FGF8: variants seen among roughly 807,000 people sequenced by gnomAD.
The protein encoded by FGF8 is fibroblast growth factor 8.
Under a neutral mutation model 29.7 loss-of-function variants are expected in FGF8, and 12 were observed. The observed-to-expected ratio is 0.40, with a 90% CI of 0.26 to 0.65. The LOEUF is 0.65. FGF8 is among the 30% of genes least tolerant of loss of function. FGF8 has a pLI of 0.37. For missense variants in FGF8, 271 were observed against 345.1 expected, an observed-to-expected ratio of 0.79 and a Z score of 1.70; for synonymous variants, 157 against 144.4, an observed-to-expected ratio of 1.09 and a Z score of -0.63.
chr10:101,775,809 G>A lies in FGF8; in HGVS notation c.33-33C>T. Reference sequence around the variant, plus strand: ...AGACAAAAGCGGGCGGGAGAGAGAGGCGCGGGTGAGGCGAGGGGCGCGGGG... The same window carrying A: ...AGACAAAAGCGGGCGGGAGAGAGAGACGCGGGTGAGGCGAGGGGCGCGGGG... On this transcript the variant is annotated intron_variant, in intron 1 of 5. Transcript: ENST00000320185. The surrounding 1 kb of genome is among the most constrained non-coding windows in gnomAD (Gnocchi z 4.6). 1 of 1,537,658 alleles carries A rather than the reference G, an allele frequency of 6.5e-7. No individual in the cohort carries two copies. Among genetic ancestry groups the A allele is most frequent in the African/African-American group, 1.4e-5 (1 of 71,608 alleles).
In FGF8 at chr10:101,770,159, A is replaced by C. The variant is rs1191846093; in HGVS notation, c.*170T>G. 1 of 580,476 alleles carries C rather than the reference A, an allele frequency of 1.7e-6. No individual in the cohort carries two copies. Among genetic ancestry groups the C allele is most frequent in the Non-Finnish European group, 2.9e-6 (1 of 346,890 alleles). 36.0% of individuals were successfully genotyped at this position (580,476 alleles called of 1,614,324 possible). On this transcript the variant is annotated 3_prime_UTR_variant, in exon 6 of 6. Coordinates refer to ENST00000320185, the MANE Select transcript of FGF8 (RefSeq NM_033163.5). ...TTTGTTTTAAAAAAAAAAAAAAAAA[A>C]AAAAACAGCAAAAACCCAACAGCAA...
intron 4 of FGF8, among the ~76,000 whole-genome samples, chr10:101,773,520 C>T (rs1244532606): frequency 3.3e-5 from 5 of 151,196 alleles, no homozygotes; most frequent in East Asian, 2.0e-4. Context: ...GAGCTGGGGC[C>T]GCAGTTTACG....
In FGF8 at chr10:101,772,291, A is replaced by G. The variant is rs1429220262; in HGVS notation, c.338-722T>C. On this transcript the variant is annotated intron_variant, in intron 4 of 5. Transcript: ENST00000320185. The surrounding 1 kb of genome is among the most constrained non-coding windows in gnomAD (Gnocchi z 4.4). ...CAGGGTCCCCAGCCCAGTGTCTAGA[A>G]ATCAACAACTCAATTGTCTTTTCTC... is the stretch of plus-strand genomic sequence containing the variant. Among the ~76,000 whole-genome samples, 1 of 152,222 alleles carries G rather than the reference A, an allele frequency of 6.6e-6. No individual in the cohort carries two copies. The highest frequency in any genetic ancestry group is 1.5e-5 in the Non-Finnish European group (1 of 68,036).
chr10:101,773,524 GT>G (rs1042074889), intron 4 of FGF8, among the ~76,000 whole-genome samples: 2 of 151,318 alleles, frequency 1.3e-5, no homozygotes, highest in African/African-American at 4.9e-5. Context: ...TGGGGCCGCA[GT>G]TTACGGCAGC....
chr10:101,775,205 G>A lies in FGF8; in HGVS notation c.81C>T (p.Gly27=). 1 of 1,547,610 alleles carries A rather than the reference G, an allele frequency of 6.5e-7. No individual in the cohort carries two copies. Among genetic ancestry groups the A allele is most frequent in the Middle Eastern group, 2.2e-4 (1 of 4,620 alleles). The change falls in exon 3 of 6, where the codon GGC becomes GGT. Residue 27 remains glycine (G), a synonymous_variant. Transcript: ENST00000320185. This position sits in a 1 kb window ranked among gnomAD's most constrained non-coding sequence, Gnocchi z 4.6. The stretch of plus-strand genomic sequence containing the variant: ...GCTCCCTGCCCAGCGCAGGGCCCCT[G>A]CCCGGGCCTTCCTAGAGGAGCAGGG... ...VLCLQAQEGP[G]RGPALGRELA... is the part of the protein sequence containing the mutation.
rs542820054 is a variant in FGF8 at position 101,771,175 on chromosome 10, C to A, written c.444+288G>T. 2.6e-5 allele frequency among the ~76,000 whole-genome samples: 4 copies of A among 152,334 alleles called. No individual in the cohort carries two copies. In the East Asian group the frequency reaches 7.7e-4, roughly 29 times the overall value. On this transcript the variant is annotated intron_variant, in intron 5 of 5. Transcript: ENST00000320185. This position sits in a 1 kb window ranked among gnomAD's most constrained non-coding sequence, Gnocchi z 5.3. Reference sequence around the variant, plus strand: ...GGTACCATGTAATTGGACATAATAGCAAAGCAATTTGGCGATTTGTTAAAA... The same window carrying A: ...GGTACCATGTAATTGGACATAATAGAAAAGCAATTTGGCGATTTGTTAAAA...
chr10:101,775,287 T>G lies in FGF8; in HGVS notation c.70-71A>C. Reference sequence around the variant, plus strand: ...CCCCTGACATTTATAAAGACAAATTTACGGAGCAAATGTTGAGAGTGCAGG... The same window carrying G: ...CCCCTGACATTTATAAAGACAAATTGACGGAGCAAATGTTGAGAGTGCAGG... On this transcript the variant is annotated intron_variant, in intron 2 of 5. Transcript: ENST00000320185. This position sits in a 1 kb window ranked among gnomAD's most constrained non-coding sequence, Gnocchi z 4.6. 8.9e-7 allele frequency: 1 copy of G among 1,123,842 alleles called. No individual in the cohort carries two copies. Among genetic ancestry groups the G allele is most frequent in the Non-Finnish European group, 1.3e-6 (1 of 768,540 alleles). 69.6% of individuals were successfully genotyped at this position (1,123,842 alleles called of 1,614,324 possible).
At chr10:101,779,203 C>CCGACG (rs200452682), upstream of FGF8, among the ~76,000 whole-genome samples, 1,159 of 152,292 alleles carry the variant, frequency 7.6e-3, 9 homozygotes, top group African/African-American at 0.027. This position sits in a 1 kb window ranked among gnomAD's most constrained non-coding sequence, Gnocchi z 5.7. Context: ...GCAGCTCGCT[C>CCGACG]CGACGCGCGC....
rs1487811084 is a variant in FGF8 at position 101,775,463 on chromosome 10, C to G, written c.70-247G>C. On this transcript the variant is annotated intron_variant, in intron 2 of 5. Transcript: ENST00000320185. The surrounding 1 kb of genome is among the most constrained non-coding windows in gnomAD (Gnocchi z 4.6). ...CCCCCTTCCTCGGCGGCTGGGTGTTCCCTATGCCCCCAGCCGGCGAGGATG... is the reference window on the plus strand; with the variant it reads ...CCCCCTTCCTCGGCGGCTGGGTGTTGCCTATGCCCCCAGCCGGCGAGGATG... The G allele has an allele frequency of 3.3e-6, 2 of 603,660 alleles. No individual in the cohort carries two copies. The highest frequency in any genetic ancestry group is 5.9e-6 in the Non-Finnish European group (2 of 340,118). 37.4% of individuals were successfully genotyped at this position (603,660 alleles called of 1,614,324 possible).
upstream of FGF8, among the ~76,000 whole-genome samples, chr10:101,779,308 G>A (rs563387219): frequency 6.6e-6 from 1 of 152,344 alleles, no homozygotes; most frequent in Admixed American, 6.5e-5. This position sits in a 1 kb window ranked among gnomAD's most constrained non-coding sequence, Gnocchi z 5.7. Flanking sequence ...CCACTGTCTG[G>A]GAGTCGTCTC....
chr10:101,773,530 G>C (rs910148904), intron 4 of FGF8, among the ~76,000 whole-genome samples: 6 of 149,860 alleles, frequency 4.0e-5, no homozygotes, highest in Non-Finnish European at 8.9e-5. Context: ...CGCAGTTTAC[G>C]GCAGCTCTCC....
rs1001559496 is a variant in FGF8, at chr10:101,771,324, C to T, written c.444+139G>A. The T allele has an allele frequency of 1.9e-5, 13 of 701,672 alleles. No homozygotes were observed. Among genetic ancestry groups the T allele is most frequent in the South Asian group, 1.3e-4 (9 of 66,782 alleles). 43.5% of individuals were successfully genotyped at this position (701,672 alleles called of 1,614,324 possible). A position where few individuals can be genotyped will look rare whatever the true frequency, so the allele number is the denominator to read the frequency against. ...CTTCTCCCTCACTCCTGCACCCAAT[C>T]GTGAGGTAACCCCAAGATGGCCCTG... On this transcript the variant is annotated intron_variant, in intron 5 of 5. Transcript: ENST00000320185. The surrounding 1 kb of genome is among the most constrained non-coding windows in gnomAD (Gnocchi z 5.3).
chr10:101,778,493 C>T (rs913665664), upstream of FGF8, among the ~76,000 whole-genome samples: 2 of 152,346 alleles, frequency 1.3e-5, no homozygotes, highest in South Asian at 4.1e-4. Context: ...CTTCAGCCAC[C>T]CTTCTTCCTC....
In FGF8 at chr10:101,770,205, C is replaced by T; in HGVS notation, c.*124G>A. 1 of 909,196 alleles carries T rather than the reference C, an allele frequency of 1.1e-6. No individual in the cohort carries two copies. Among genetic ancestry groups the T allele is most frequent in the South Asian group, 2.0e-5 (1 of 49,818 alleles). 56.3% of individuals were successfully genotyped at this position (909,196 alleles called of 1,614,324 possible). On this transcript the variant is annotated 3_prime_UTR_variant, in exon 6 of 6. Transcript: ENST00000320185. ...AGCAAACAATATCAACAACCGGAAC[C>T]CAGGGCTCCCCCAGCACCTCCCCAG...
chr10:101,778,187 T>C (rs1040093477), upstream of FGF8, among the ~76,000 whole-genome samples: 1 of 152,192 alleles, frequency 6.6e-6, no homozygotes, highest in African/African-American at 2.4e-5. Context: ...GAACAAATGA[T>C]TGAATGGAGA....
At chr10:101,779,646 G>A (rs911050479), upstream of FGF8, among the ~76,000 whole-genome samples, 5 of 151,938 alleles carry the variant, frequency 3.3e-5, no homozygotes, top group Non-Finnish European at 7.4e-5. The surrounding 1 kb of genome is among the most constrained non-coding windows in gnomAD (Gnocchi z 5.7). Context: ...AGAAATGCAA[G>A]GAGCGATCAG....
rs1288970950 is a variant in FGF8, at chr10:101,775,411, C to T, written c.70-195G>A. The T allele has an allele frequency of 9.9e-6, 6 of 608,494 alleles. No homozygotes were observed. Among genetic ancestry groups the T allele is most frequent in the African/African-American group, 3.7e-5 (2 of 54,114 alleles). The allele number at this position is 608,494 out of a possible 1,614,324, so 37.7% of individuals were successfully genotyped here. A position where few individuals can be genotyped will look rare whatever the true frequency, so the allele number is the denominator to read the frequency against. ...GCAGTCACCCGGCTTCCCCTGGCAT[C>T]GAACATCCATCCCCTGGCCGCGGCT... On this transcript the variant is annotated intron_variant, in intron 2 of 5. Coordinates refer to ENST00000320185, the MANE Select transcript of FGF8 (RefSeq NM_033163.5). This position sits in a 1 kb window ranked among gnomAD's most constrained non-coding sequence, Gnocchi z 4.6.
rs1448772272 is a variant in FGF8 at position 101,775,363 on chromosome 10, G to T, written c.70-147C>A. 3.0e-6 allele frequency: 2 copies of T among 663,200 alleles called. No homozygotes were observed. The highest frequency in any genetic ancestry group is 5.4e-6 in the Non-Finnish European group (2 of 372,472). 41.1% of individuals were successfully genotyped at this position (663,200 alleles called of 1,614,324 possible). On this transcript the variant is annotated intron_variant, in intron 2 of 5. Transcript: ENST00000320185. The surrounding 1 kb of genome is among the most constrained non-coding windows in gnomAD (Gnocchi z 4.6). ...CAAATCGGCCACAAGCCTCCCCCGA[G>T]GGGCGCTGAGAGGGTCTCTGCTGCA...
upstream of FGF8, among the ~76,000 whole-genome samples, chr10:101,777,698 G>T (rs973624672): frequency 2.6e-5 from 4 of 152,258 alleles, no homozygotes; most frequent in Non-Finnish European, 5.9e-5. Context: ...TGTCTTATGA[G>T]CTCAGAAATC....
Sources: allele counts gnomAD v4.1 joint callset (sites outside exome capture counted in the v4.1 genomes callset), GRCh38; gene constraint gnomAD v4.1.1; non-coding constraint Gnocchi (gnomAD v3.1); transcripts MANE v1.5; gene names NCBI Gene and HGNC (gene_info 2026-07-23, HGNC 2026-07-21).